Variants in AGMO observed in about 807,000 individuals in gnomAD.
The protein encoded by AGMO is glyceryl-ether monooxygenase.
AGMO carries 75 observed loss-of-function variants against 60.2 expected under a neutral mutation model. That is an observed-to-expected ratio of 1.25 (90% CI 1.03 to 1.51). The LOEUF (loss-of-function observed/expected upper bound fraction) is 1.51, where lower values mean the gene tolerates loss of function less well. Among genes scored for constraint, AGMO ranks in the 40% most tolerant of loss-of-function variants. The probability of loss-of-function intolerance (pLI) is 0.00; values close to 1 mark genes in which losing one functional copy is unlikely to be tolerated. For missense variants in AGMO, 763 were observed against 525.5 expected (o/e 1.45, Z -4.42); for synonymous variants, 261 against 177.1 (o/e 1.47, Z -3.76).
chr7:15,380,475 G>A (rs1783634306), intron 10 of AGMO, among the ~76,000 whole-genome samples: 1 of 152,004 alleles, frequency 6.6e-6, no homozygotes. Context: ...ATCTCTAGAA[G>A]GAGAGCTACA....
chr7:15,354,427 C>T (rs1464072240), intron 12 of AGMO, among the ~76,000 whole-genome samples: 1,243 of 24,014 alleles, frequency 0.052, 179 homozygotes, highest in Admixed American at 0.084. Flanking sequence ...TGTATACACA[C>T]ACGTGTGTGT....
chr7:15,175,191 T>C, the AGMO span, among the ~76,000 whole-genome samples: 9 of 151,982 alleles, frequency 5.9e-5, no homozygotes, highest in Admixed American at 5.9e-4. Context: ...TTAAATTTAA[T>C]TAGCTTTTAT....
intron 10 of AGMO, among the ~76,000 whole-genome samples, chr7:15,369,412 T>C (rs1215782992): frequency 2.0e-5 from 3 of 152,082 alleles, no homozygotes; most frequent in Non-Finnish European, 2.9e-5. Flanking sequence ...ATCCCTAGTG[T>C]TCTCTCTTTA....
intron 3 of AGMO, among the ~76,000 whole-genome samples, chr7:15,455,116 C>T (rs62438753): frequency 6.7e-6 from 1 of 149,050 alleles, no homozygotes; most frequent in Non-Finnish European, 1.5e-5. Context: ...CACACACACA[C>T]ACTTTTTTCA....
chr7:15,452,740 AG>A (rs1781888322), intron 3 of AGMO, among the ~76,000 whole-genome samples: 1 of 152,224 alleles, frequency 6.6e-6, no homozygotes, highest in Non-Finnish European at 1.5e-5. Context: ...TATATAGTCA[AG>A]AAAATTTAAA....
chr7:15,343,996 A>T (rs1262232174), intron 12 of AGMO, among the ~76,000 whole-genome samples: 2 of 152,194 alleles, frequency 1.3e-5, no homozygotes, highest in African/African-American at 4.8e-5. Context: ...GGAAGACATT[A>T]GCTATCATTT....
the AGMO span, among the ~76,000 whole-genome samples, chr7:15,136,292 C>G: frequency 5.3e-5 from 8 of 151,780 alleles, no homozygotes; most frequent in East Asian, 1.4e-3. Context: ...CGCGCCTGGC[C>G]TAGTATCATA....
intron 12 of AGMO, among the ~76,000 whole-genome samples, chr7:15,258,906 GA>G (rs1563058094): frequency 6.6e-6 from 1 of 151,930 alleles, no homozygotes; most frequent in Admixed American, 6.6e-5. Flanking sequence ...CACTCCACAG[GA>G]AAAAAGAATC....
intron 3 of AGMO, among the ~76,000 whole-genome samples, chr7:15,501,332 G>T (rs561678118): frequency 1.1e-4 from 17 of 152,088 alleles, no homozygotes; most frequent in African/African-American, 3.6e-4. Flanking sequence ...ATTTGGGGTT[G>T]CCTTCATAAT....
chr7:15,236,521 G>C (rs1782424120), intron 12 of AGMO, among the ~76,000 whole-genome samples: 1 of 152,060 alleles, frequency 6.6e-6, no homozygotes, highest in Non-Finnish European at 1.5e-5. Context: ...TGACAATGCT[G>C]TTTCAAGATC....
intron 12 of AGMO, among the ~76,000 whole-genome samples, chr7:15,288,172 C>T (rs1784154276): frequency 6.6e-6 from 1 of 151,938 alleles, no homozygotes. Context: ...CACAGGCGCC[C>T]AGCACCACGC....
intron 5 of AGMO, among the ~76,000 whole-genome samples, chr7:15,410,365 A>C (rs545021155): frequency 5.5e-4 from 84 of 151,958 alleles, no homozygotes; most frequent in Non-Finnish European, 1.0e-3. Context: ...TCTGTACATT[A>C]ATCAGTTTAC....
At chr7:15,139,771 A>G in the AGMO span, among the ~76,000 whole-genome samples, 272 of 149,334 alleles carry the variant, frequency 1.8e-3, 1 homozygote, top group African/African-American at 6.3e-3. Flanking sequence ...CCTTTGCACC[A>G]CTGCACTCCA....
intron 12 of AGMO, among the ~76,000 whole-genome samples, chr7:15,334,995 G>C (rs1444851599): frequency 1.3e-5 from 2 of 152,138 alleles, no homozygotes. Context: ...ATTTTTATTG[G>C]AGATGGAAAT....
chr7:15,370,150 C>A (rs1276835697), intron 10 of AGMO, among the ~76,000 whole-genome samples: 2 of 152,072 alleles, frequency 1.3e-5, no homozygotes, highest in African/African-American at 2.4e-5. Flanking sequence ...TAAGAACTTG[C>A]AATATTTGGT....
chr7:15,458,659 A>G (rs2128507923), intron 3 of AGMO, among the ~76,000 whole-genome samples: 2 of 152,310 alleles, frequency 1.3e-5, no homozygotes, highest in Middle Eastern at 3.4e-3. Context: ...TGGTTTGCAA[A>G]GTACTTTCAC....
In AGMO at chr7:15,443,213, A is replaced by G. The variant is rs148089637; in HGVS notation, c.410-12105T>C. Among the ~76,000 whole-genome samples, 8 of 152,284 alleles carry G rather than the reference A, an allele frequency of 5.3e-5. No homozygotes were observed. The East Asian group carries it at 1.5e-3, about 29-fold the overall frequency. On this transcript the variant is annotated intron_variant, in intron 3 of 12. Coordinates refer to ENST00000342526, the MANE Select transcript of AGMO (RefSeq NM_001004320.2). ...CGGGGGTCTAAATGAGCTGATAAAC[A>G]CAAGCTACTTACAGACGGCAAAACT...
the AGMO span, among the ~76,000 whole-genome samples, chr7:15,185,149 G>A: frequency 2.0e-5 from 3 of 151,560 alleles, no homozygotes; most frequent in East Asian, 1.9e-4. Context: ...ATTCTAATAC[G>A]GCCTACTTAA....
chr7:15,269,316 T>A (rs963603836), intron 12 of AGMO, among the ~76,000 whole-genome samples: 27 of 151,996 alleles, frequency 1.8e-4, no homozygotes, highest in Non-Finnish European at 2.1e-4. Flanking sequence ...GCAAGAAGAT[T>A]AAGGGTGTTT....
Sources: allele counts gnomAD v4.1 joint callset (sites outside exome capture counted in the v4.1 genomes callset), GRCh38; gene constraint gnomAD v4.1.1; transcripts MANE v1.5; gene names NCBI Gene and HGNC (gene_info 2026-07-23, HGNC 2026-07-21).